The following KDM4C variants were observed in gnomAD, a reference collection of about 807,000 sequenced individuals.
The protein encoded by KDM4C is lysine-specific demethylase 4C.
In KDM4C, 81 loss-of-function variants were observed where a neutral mutation model predicts 129.3. The ratio of observed to expected loss-of-function variants is 0.63; its 90% CI spans 0.52 to 0.75. The LOEUF (loss-of-function observed/expected upper bound fraction) is 0.75. Among genes scored for constraint, KDM4C ranks in the 30% least tolerant of loss-of-function variants. KDM4C has a pLI of 0.00. For synonymous variants in KDM4C, 573 were observed against 456.1 expected (o/e 1.26, Z -3.26); for missense variants, 1,457 against 1,304.0 (o/e 1.12, Z -1.81).
chr9:7,050,332 T>G (rs948643326), intron 17 of KDM4C, among the ~76,000 whole-genome samples: 15 of 149,010 alleles, frequency 1.0e-4, no homozygotes, highest in African/African-American at 3.7e-4. Flanking sequence ...GTGGGCCATT[T>G]AAATGGCCCT....
chr9:6,912,205 T>C (rs1819448774), intron 8 of KDM4C, among the ~76,000 whole-genome samples: 1 of 152,224 alleles, frequency 6.6e-6, no homozygotes, highest in African/African-American at 2.4e-5. Flanking sequence ...CCTGCCATTC[T>C]ATGCTTCTCT....
intron 8 of KDM4C, among the ~76,000 whole-genome samples, chr9:6,947,827 A>AT (rs955617212): frequency 1.3e-3 from 94 of 75,020 alleles, no homozygotes; most frequent in Middle Eastern, 0.012. Context: ...GTTCCTTGAT[A>AT]TTTTTTTTTT....
intron 5 of KDM4C, among the ~76,000 whole-genome samples, chr9:6,876,195 G>A (rs745474281): frequency 1.1e-4 from 17 of 152,130 alleles, no homozygotes; most frequent in Admixed American, 3.3e-4. Flanking sequence ...CTGGATGTGG[G>A]GGGCAGCAAG....
intron 17 of KDM4C, among the ~76,000 whole-genome samples, chr9:7,052,109 A>G (rs2132584011): frequency 6.6e-6 from 1 of 152,362 alleles, no homozygotes; most frequent in East Asian, 1.9e-4. Context: ...CAAGACTGAC[A>G]GAACAGAAAT....
chr9:6,796,054 G>C (rs1340660997), intron 2 of KDM4C, among the ~76,000 whole-genome samples: 1 of 152,124 alleles, frequency 6.6e-6, no homozygotes, highest in Non-Finnish European at 1.5e-5. Flanking sequence ...GAGGAAACAA[G>C]ATAAAGAGAA....
At chr9:6,834,534 C>T in intron 4 of KDM4C, 5 of 674,544 alleles carry the variant, frequency 7.4e-6, no homozygotes, top group East Asian at 5.6e-5. Flanking sequence ...TGACGATGAC[C>T]CCCGGCCGTC....
intron 17 of KDM4C, chr9:7,076,682 C>G (rs1289586481): frequency 7.8e-7 from 1 of 1,274,632 alleles, no homozygotes; most frequent in East Asian, 3.0e-5. Context: ...ATCCTCACAC[C>G]TTTGTGTTTA....
intron 1 of KDM4C, among the ~76,000 whole-genome samples, chr9:6,721,904 T>C (rs10122475): frequency 0.35 from 53,179 of 151,950 alleles, 9,613 homozygotes; most frequent in African/African-American, 0.45. Context: ...TTAATTTTTG[T>C]AGAGATTGGG....
At chr9:7,065,057 T>C (rs1036735501) in intron 17 of KDM4C, among the ~76,000 whole-genome samples, 4 of 152,178 alleles carry the variant, frequency 2.6e-5, no homozygotes, top group Admixed American at 2.6e-4. Context: ...CTACAGTCAA[T>C]CAAAACATAA....
intron 8 of KDM4C, among the ~76,000 whole-genome samples, chr9:6,931,134 C>G (rs973671410): frequency 6.6e-6 from 1 of 151,392 alleles, no homozygotes; most frequent in Admixed American, 6.6e-5. Flanking sequence ...CCCCCCCACA[C>G]AAACACACTT....
intron 18 of KDM4C, among the ~76,000 whole-genome samples, chr9:7,108,377 C>T (rs1020336606): frequency 2.6e-5 from 4 of 152,122 alleles, no homozygotes; most frequent in African/African-American, 9.7e-5. Context: ...GCTGGGACTA[C>T]AGGTGTGCGC....
chr9:6,861,744 A>G lies in KDM4C; in HGVS notation c.629+12044A>G, dbSNP rs1284195309. Among the ~76,000 whole-genome samples the G allele has an allele frequency of 2.6e-5, 4 of 151,852 alleles. No homozygotes were observed. In the South Asian group the frequency reaches 6.2e-4, roughly 24 times the overall value. ...TGCATAAAGTTTCTTGAACTCATGC[A>G]TAAAGTTACTTTACAATATATATTT... On this transcript the variant is annotated intron_variant, in intron 5 of 21. Coordinates refer to ENST00000381309, the MANE Select transcript of KDM4C (RefSeq NM_015061.6).
At chr9:7,002,715 A>T (rs967070665) in intron 12 of KDM4C, among the ~76,000 whole-genome samples, 3 of 152,174 alleles carry the variant, frequency 2.0e-5, no homozygotes, top group East Asian at 1.9e-4. Context: ...ACCATTACTT[A>T]TAATTATTTT....
At chr9:7,044,800 G>C (rs188425867) in intron 15 of KDM4C, among the ~76,000 whole-genome samples, 1 of 152,072 alleles carries the variant, frequency 6.6e-6, no homozygotes, top group African/African-American at 2.4e-5. Flanking sequence ...AGGCATGTGT[G>C]GAGAGAGAAG....
chr9:6,972,895 T>C (rs975814110), intron 8 of KDM4C, among the ~76,000 whole-genome samples: 1 of 152,242 alleles, frequency 6.6e-6, no homozygotes, highest in Non-Finnish European at 1.5e-5. Context: ...ATCCATTGTG[T>C]GTTTTTCTAT....
chr9:7,171,527 G>A (rs1032624401), intron 21 of KDM4C, among the ~76,000 whole-genome samples: 2 of 152,088 alleles, frequency 1.3e-5, no homozygotes, highest in Admixed American at 6.5e-5. Flanking sequence ...TAGAGATTTA[G>A]AGGATGGGGA....
At chr9:6,946,489 T>C (rs534325165) in intron 8 of KDM4C, among the ~76,000 whole-genome samples, 29 of 152,226 alleles carry the variant, frequency 1.9e-4, no homozygotes, top group African/African-American at 5.3e-4. Context: ...TTTTAAAACA[T>C]TTCTTTTATT....
At chr9:6,900,415 C>G (rs1339816325) in intron 8 of KDM4C, among the ~76,000 whole-genome samples, 1 of 152,250 alleles carries the variant, frequency 6.6e-6, no homozygotes, top group Non-Finnish European at 1.5e-5. Flanking sequence ...AAAGCTGTAG[C>G]TGATGTCACC....
At chr9:7,015,959 C>G (rs1160227244) in intron 15 of KDM4C, 30 bp downstream of exon 15, 2 of 1,509,374 alleles carry the variant, frequency 1.3e-6, no homozygotes, top group East Asian at 2.3e-5. Context: ...ATTGCTTAAC[C>G]TTTCTTCCCA....
Sources: allele counts gnomAD v4.1 joint callset (sites outside exome capture counted in the v4.1 genomes callset), GRCh38; gene constraint gnomAD v4.1.1; transcripts MANE v1.5; gene names NCBI Gene and HGNC (gene_info 2026-07-23, HGNC 2026-07-21).